Variants in RAPGEF2 observed in about 807,000 individuals in gnomAD.
The protein encoded by RAPGEF2 is Rap guanine nucleotide exchange factor 2.
Under a neutral mutation model 186.7 loss-of-function variants are expected in RAPGEF2, and 54 were observed. The observed-to-expected ratio is 0.29, with a 90% CI of 0.23 to 0.36. The LOEUF (loss-of-function observed/expected upper bound fraction) is 0.36. RAPGEF2 is among the 10% of genes least tolerant of loss of function. RAPGEF2 has a pLI of 1.00. For synonymous variants in RAPGEF2, 712 were observed against 705.9 expected, an observed-to-expected ratio of 1.01 and a Z score of -0.14; for missense variants, 1,532 against 2,045.0, an observed-to-expected ratio of 0.75 and a Z score of 4.84.
intron 1 of RAPGEF2, among the ~76,000 whole-genome samples, chr4:159,186,113 A>G (rs1401151037): frequency 1.3e-4 from 19 of 151,966 alleles, no homozygotes; most frequent in Non-Finnish European, 4.4e-5. Flanking sequence ...TGGTAAAACA[A>G]GGCACGTTTT....
At chr4:159,261,055 A>C (rs915515498) in intron 7 of RAPGEF2, among the ~76,000 whole-genome samples, 2 of 145,266 alleles carry the variant, frequency 1.4e-5, no homozygotes, top group African/African-American at 2.5e-5. Context: ...GTGCCCCACC[A>C]GGAAAAGGTT....
chr4:159,277,799 T>TG (rs1561196804), intron 7 of RAPGEF2, among the ~76,000 whole-genome samples: 1 of 152,142 alleles, frequency 6.6e-6, no homozygotes, highest in African/African-American at 2.4e-5. Context: ...TAAATTTGTT[T>TG]AGTTCTTTGT....
intron 7 of RAPGEF2, among the ~76,000 whole-genome samples, chr4:159,255,053 T>C (rs1755987397): frequency 2.0e-5 from 3 of 152,200 alleles, no homozygotes; most frequent in Admixed American, 6.5e-5. Context: ...TACTATTGTA[T>C]TACAGTTGTC....
intron 7 of RAPGEF2, among the ~76,000 whole-genome samples, chr4:159,266,399 A>T (rs960116881): frequency 6.6e-6 from 1 of 152,246 alleles, no homozygotes; most frequent in African/African-American, 2.4e-5. Flanking sequence ...TGCCATTGAT[A>T]GATAAACCTG....
chr4:159,266,448 C>T (rs1048618597), intron 7 of RAPGEF2, among the ~76,000 whole-genome samples: 1 of 152,122 alleles, frequency 6.6e-6, no homozygotes, highest in Non-Finnish European at 1.5e-5. Flanking sequence ...TTAAAATGTC[C>T]TTATTCTTTG....
At chr4:159,323,805 G>A (rs570438372) in intron 11 of RAPGEF2, among the ~76,000 whole-genome samples, 188 bp downstream of exon 11, 1 of 149,192 alleles carries the variant, frequency 6.7e-6, no homozygotes, top group South Asian at 2.1e-4. Flanking sequence ...TGCAACATCT[G>A]CCTCCTGAGT....
rs746939048 is a variant in RAPGEF2 at position 159,343,439 on chromosome 4, T to C, written c.3254+35T>C. 6.3e-6 allele frequency: 10 copies of C among 1,599,338 alleles called. No individual in the cohort carries two copies. In the Admixed American group the frequency reaches 1.4e-4, roughly 22 times the overall value. On this transcript the variant is annotated intron_variant, in intron 22 of 29. Coordinates refer to ENST00000691494, the MANE Select transcript of RAPGEF2 (RefSeq NM_001394067.2). The stretch of plus-strand genomic sequence containing the variant: ...TCATCTTCAGTGGCACGTGTGAGAG[T>C]AGAGAAGGTTAAATTTAGAGCTTCC...
rs190677300 is a variant in RAPGEF2 at position 159,283,062 on chromosome 4, T to C, written c.544-21280T>C. On this transcript the variant is annotated intron_variant, in intron 7 of 29. Transcript: ENST00000691494. The stretch of plus-strand genomic sequence containing the variant: ...ACAGTGTTTATAGGAAGTTATAATA[T>C]CTTCTTTTATCTGGTTCTCCTCACC... 1.1e-3 allele frequency among the ~76,000 whole-genome samples: 174 copies of C among 152,310 alleles called. 1 individual carries two copies. Among genetic ancestry groups the C allele is most frequent in the African/African-American group, 3.8e-3 (160 of 41,582 alleles).
chr4:159,252,843 TTTA>T (rs1448770132), intron 7 of RAPGEF2, among the ~76,000 whole-genome samples: 1 of 152,352 alleles, frequency 6.6e-6, no homozygotes, highest in East Asian at 1.9e-4. Flanking sequence ...TGAGCTTTTG[TTTA>T]TTATTTACCA....
At chr4:159,169,585 C>A (rs768952048) in intron 1 of RAPGEF2, among the ~76,000 whole-genome samples, 5 of 151,824 alleles carry the variant, frequency 3.3e-5, no homozygotes, top group African/African-American at 9.7e-5. Context: ...CCCCAACAGC[C>A]CCCCCTCCCC....
At chr4:159,307,844 G>A (rs2111072403) in intron 8 of RAPGEF2, among the ~76,000 whole-genome samples, 1 of 152,204 alleles carries the variant, frequency 6.6e-6, no homozygotes, top group East Asian at 1.9e-4. Flanking sequence ...AGTGGTGCAT[G>A]CCTATAGTCC....
intron 26 of RAPGEF2, among the ~76,000 whole-genome samples, chr4:159,351,729 G>A (rs538849628): frequency 3.3e-5 from 5 of 152,126 alleles, no homozygotes; most frequent in Admixed American, 6.5e-5. Flanking sequence ...GATTACCTGA[G>A]GCCAGGAGTT....
intron 3 of RAPGEF2, 138 bp downstream of exon 3, chr4:159,193,394 A>G (rs1381924226): frequency 4.6e-6 from 2 of 433,506 alleles, no homozygotes; most frequent in South Asian, 8.1e-5. Context: ...GAAACATTTT[A>G]TCTGTTTCCT....
At chr4:159,335,556 T>C (rs1158738017) in intron 17 of RAPGEF2, among the ~76,000 whole-genome samples, 1 of 151,830 alleles carries the variant, frequency 6.6e-6, no homozygotes, top group Non-Finnish European at 1.5e-5. Flanking sequence ...GGAGAAACGG[T>C]TCTTAAAGGT....
chr4:159,348,886 T>C (rs1580053462), intron 25 of RAPGEF2, among the ~76,000 whole-genome samples: 2 of 152,244 alleles, frequency 1.3e-5, no homozygotes, highest in South Asian at 4.1e-4. Context: ...AATACTAATT[T>C]AGAGACACTA....
intron 3 of RAPGEF2, among the ~76,000 whole-genome samples, chr4:159,198,591 A>G (rs1749066263): frequency 6.6e-6 from 1 of 151,298 alleles, no homozygotes; most frequent in South Asian, 2.1e-4. Context: ...GATTACAGGC[A>G]TGTGCCACCA....
chr4:159,335,090 T>G (rs17038044), intron 17 of RAPGEF2, among the ~76,000 whole-genome samples: 2,298 of 152,246 alleles, frequency 0.015, 67 homozygotes, highest in African/African-American at 0.053. Context: ...AACTAGCAAT[T>G]AGAGAAGTCT....
At chr4:159,283,350 TACATGTCG>T (rs537942197) in intron 7 of RAPGEF2, among the ~76,000 whole-genome samples, 290 of 152,342 alleles carry the variant, frequency 1.9e-3, no homozygotes, top group African/African-American at 6.5e-3. Context: ...TTATATCTAC[TACATGTCG>T]AAATGTCAAA....
At chr4:159,337,146 A>G (rs1304611659) in intron 17 of RAPGEF2, among the ~76,000 whole-genome samples, 2 of 152,248 alleles carry the variant, frequency 1.3e-5, no homozygotes, top group Non-Finnish European at 2.9e-5. Flanking sequence ...TTCTCTGGAT[A>G]CTTAAATGTG....
Sources: allele counts gnomAD v4.1 joint callset (sites outside exome capture counted in the v4.1 genomes callset), GRCh38; gene constraint gnomAD v4.1.1; transcripts MANE v1.5; gene names NCBI Gene and HGNC (gene_info 2026-07-23, HGNC 2026-07-21).